The following GATAD2A variants were observed in gnomAD, a reference collection of about 807,000 sequenced individuals.
GATAD2A encodes GATA zinc finger domain containing 2A, also known as transcriptional repressor p66-alpha.
A neutral mutation model predicts 68.5 loss-of-function variants in GATAD2A; 12 were observed. That is an observed-to-expected ratio of 0.18 (90% CI 0.11 to 0.28). The LOEUF (loss-of-function observed/expected upper bound fraction) is 0.28, where lower values mean the gene tolerates loss of function less well. Ranked by LOEUF, GATAD2A falls within the 10% of genes least tolerant of loss-of-function variation. GATAD2A has a pLI of 1.00. For synonymous variants in GATAD2A, 410 were observed against 375.3 expected (o/e 1.09, Z -1.07); for missense variants, 755 against 868.5 (o/e 0.87, Z 1.64).
chr19:19,437,483 C>T (rs1195613896), intron 1 of GATAD2A, among the ~76,000 whole-genome samples: 1 of 152,166 alleles, frequency 6.6e-6, no homozygotes, highest in Non-Finnish European at 1.5e-5. Context: ...GTGTGCAATT[C>T]AGTTTTTTAT....
In GATAD2A at chr19:19,465,586, G is replaced by T; in HGVS notation, c.241G>T (p.Gly81Trp). ...MGRGEGLVGD[G>W]PVDMRTSHSD... Reference sequence around the variant, plus strand: ...CAGAGGCGAAGGGCTGGTGGGCGATGGGCCCGTGGACATGCGCACCTCACA... The same window carrying T: ...CAGAGGCGAAGGGCTGGTGGGCGATTGGCCCGTGGACATGCGCACCTCACA... The change falls in exon 2 of 12, where the codon GGG becomes TGG. Residue 81 changes from glycine to tryptophan, a missense_variant. Physicochemically the swap from Gly to Trp is radical, Grantham distance 184. Transcript: ENST00000683918. 1.9e-6 allele frequency: 3 copies of T among 1,612,670 alleles called. No individual in the cohort carries two copies. The highest frequency in any genetic ancestry group is 2.5e-6 in the Non-Finnish European group (3 of 1,179,326).
At chr19:19,453,971 G>T (rs79350958) in intron 1 of GATAD2A, among the ~76,000 whole-genome samples, 6 of 138,640 alleles carry the variant, frequency 4.3e-5, no homozygotes, top group East Asian at 2.1e-4. Flanking sequence ...CAAATTTTTT[G>T]TGTTTTTTTT....
At chr19:19,470,600 A>G (rs1311143421) in intron 2 of GATAD2A, among the ~76,000 whole-genome samples, 4 of 152,248 alleles carry the variant, frequency 2.6e-5, no homozygotes, top group East Asian at 1.9e-4. Context: ...TTGGCAAGGT[A>G]TGGAGGACTT....
At chr19:19,426,751 C>T (rs531288072) in intron 1 of GATAD2A, among the ~76,000 whole-genome samples, 7 of 152,244 alleles carry the variant, frequency 4.6e-5, no homozygotes, top group African/African-American at 7.2e-5. Flanking sequence ...TGGCCGCAAG[C>T]GATCCACCCG....
rs192134727 is a variant in GATAD2A at position 19,434,453 on chromosome 19, T to G, written c.-7+28434T>G. Reference sequence around the variant, plus strand: ...GGTCTTTCCATAGAGTTCACTGGTGTTGTCCCCTATCCTTATTTTTGCAAG... The same window carrying G: ...GGTCTTTCCATAGAGTTCACTGGTGGTGTCCCCTATCCTTATTTTTGCAAG... On this transcript the variant is annotated intron_variant, in intron 1 of 11. Transcript: ENST00000683918. Among the ~76,000 whole-genome samples, 288 of 152,298 alleles carry G rather than the reference T, an allele frequency of 1.9e-3. 2 individuals are homozygous for G. The highest frequency in any genetic ancestry group is 7.3e-3 in the Admixed American group (111 of 15,288).
At chr19:19,401,032 C>G (rs1378810113), upstream of GATAD2A, among the ~76,000 whole-genome samples, 3 of 151,192 alleles carry the variant, frequency 2.0e-5, no homozygotes, top group African/African-American at 7.3e-5. Context: ...GTCAGCTAGT[C>G]CAGAGGCTGC....
intron 1 of GATAD2A, among the ~76,000 whole-genome samples, chr19:19,412,486 G>A (rs1004415705): frequency 2.6e-5 from 4 of 151,786 alleles, no homozygotes; most frequent in Non-Finnish European, 5.9e-5. Context: ...AAAAAAATTA[G>A]CCAGGTGTGG....
chr19:19,386,000 T>TCGCCGCTGC (rs1599947831), exon 1 of GATAD2A: 1 of 150,622 alleles, frequency 6.6e-6, no homozygotes, highest in East Asian at 2.0e-4. Context: ...GTCTGTCCTG[T>TCGCCGCTGC]CGCCGCTGCC....
In GATAD2A at chr19:19,405,838, G is replaced by A. The variant is rs1404810997; in HGVS notation, c.-188G>A. ...CCGAGGGGCGCATTATCTGGCCGGC[G>A]GCGCGGGCGGGCGGGCGGACCGGCG... is the stretch of plus-strand genomic sequence containing the variant. On this transcript the variant is annotated 5_prime_UTR_variant, in exon 1 of 12. Transcript: ENST00000683918. 1.4e-5 allele frequency: 2 copies of A among 147,516 alleles called. No homozygotes were observed. The highest frequency in any genetic ancestry group is 3.0e-5 in the Non-Finnish European group (2 of 66,414). The allele number at this position is 147,516 out of a possible 1,614,324, so 9.1% of individuals were successfully genotyped here. A position where few individuals can be genotyped will look rare whatever the true frequency, so the allele number is the denominator to read the frequency against.
chr19:19,494,952 A>G (rs1043184449), intron 5 of GATAD2A, among the ~76,000 whole-genome samples: 2 of 152,180 alleles, frequency 1.3e-5, no homozygotes, highest in Admixed American at 1.3e-4. Flanking sequence ...TTGTTCCAGT[A>G]TCTAGAATCA....
intron 1 of GATAD2A, among the ~76,000 whole-genome samples, chr19:19,423,658 A>G (rs1281677729): frequency 6.6e-5 from 10 of 152,254 alleles, no homozygotes; most frequent in Non-Finnish European, 1.0e-4. Context: ...TGGTCAGAGA[A>G]ATTGAATTCT....
At chr19:19,407,339 A>G (rs1448962580) in intron 1 of GATAD2A, among the ~76,000 whole-genome samples, 1 of 152,246 alleles carries the variant, frequency 6.6e-6, no homozygotes, top group African/African-American at 2.4e-5. Flanking sequence ...CTGATAGCTC[A>G]TACTAGCCCT....
In GATAD2A at chr19:19,405,885, G is replaced by C. The variant is rs957070496; in HGVS notation, c.-141G>C. 6.9e-6 allele frequency: 1 copy of C among 145,976 alleles called. No homozygotes were observed. The highest frequency in any genetic ancestry group is 6.8e-5 in the Admixed American group (1 of 14,714). The allele number at this position is 145,976 out of a possible 1,614,324, so 9.0% of individuals were successfully genotyped here. A position where few individuals can be genotyped will look rare whatever the true frequency, so the allele number is the denominator to read the frequency against. ...GGCGCAGCGAGCGCCGCGGGCCCGG[G>C]CGGCCCCACAGGCGGAACGAGCGCG... On this transcript the variant is annotated 5_prime_UTR_variant, in exon 1 of 12. Coordinates refer to ENST00000683918, the MANE Select transcript of GATAD2A (RefSeq NM_001384528.1).
chr19:19,412,346 G>A (rs1166145285), intron 1 of GATAD2A, among the ~76,000 whole-genome samples: 6 of 151,708 alleles, frequency 4.0e-5, no homozygotes, highest in African/African-American at 1.2e-4. Flanking sequence ...TAGTAGAGAC[G>A]GGGTTTCACC....
intron 1 of GATAD2A, among the ~76,000 whole-genome samples, chr19:19,458,819 C>T (rs879661411): frequency 6.6e-6 from 1 of 152,152 alleles, no homozygotes; most frequent in Admixed American, 6.5e-5. Flanking sequence ...CTCTCTCGGC[C>T]CACTGAAGCT....
intron 1 of GATAD2A, among the ~76,000 whole-genome samples, chr19:19,395,946 C>A (rs149001883): frequency 6.6e-6 from 1 of 152,106 alleles, no homozygotes; most frequent in East Asian, 1.9e-4. Context: ...CTCAAATCCT[C>A]GTTTGTGGGC....
At position 19,466,848 on chromosome 19, in the gene GATAD2A, C is replaced by CT. The variant is rs746697749; in HGVS notation, c.269+1235dup. Among the ~76,000 whole-genome samples the CT allele has an allele frequency of 3.8e-4, 58 of 152,300 alleles. 1 individual carries two copies. Among genetic ancestry groups the CT allele is most frequent in the Non-Finnish European group, 7.1e-4 (48 of 68,030 alleles). On this transcript the variant is annotated intron_variant, in intron 2 of 11. Transcript: ENST00000683918. ...AGGTCCAAGTCTCCTTTTCCTTTCT[C>CT]TATGTTTTCAGCCAGAGACCAGTCC...
At position 19,462,764 on chromosome 19, in the gene GATAD2A, C is replaced by T. The variant is rs546747304; in HGVS notation, c.-6-2576C>T. Among the ~76,000 whole-genome samples the T allele has an allele frequency of 9.2e-5, 14 of 152,306 alleles. No homozygotes were observed. The East Asian group carries it at 2.3e-3, about 25-fold the overall frequency. On this transcript the variant is annotated intron_variant, in intron 1 of 11. Transcript: ENST00000683918. ...GCCTCTGGTCCTATACCAGTGAGAA[C>T]GAAGTGAGGCCACACAGGCACGGCC... is the stretch of plus-strand genomic sequence containing the variant.
chr19:19,399,949 G>A (rs757578496), intron 1 of GATAD2A, among the ~76,000 whole-genome samples: 85 of 152,022 alleles, frequency 5.6e-4, no homozygotes, highest in Non-Finnish European at 1.0e-3. Context: ...TCCCTGCTTG[G>A]GGGGTTTGAA....
Sources: gnomAD v4.1 joint callset for allele counts (sites outside exome capture counted in the v4.1 genomes callset) on GRCh38, gnomAD v4.1.1 for gene constraint, MANE v1.5 for transcripts, NCBI Gene and HGNC (gene_info 2026-07-23, HGNC 2026-07-21) for gene names.